FOXK1: variants seen among roughly 807,000 people sequenced by gnomAD.
The protein encoded by FOXK1 is forkhead box protein K1.
A neutral mutation model predicts 51.9 loss-of-function variants in FOXK1; 19 were observed. The ratio of observed to expected loss-of-function variants is 0.37; its 90% CI spans 0.26 to 0.54. The LOEUF (loss-of-function observed/expected upper bound fraction) is 0.54, where lower values mean the gene tolerates loss of function less well. Among genes scored for constraint, FOXK1 ranks in the 20% least tolerant of loss-of-function variants. The probability of loss-of-function intolerance (pLI) is 0.87; values close to 1 mark genes in which losing one functional copy is unlikely to be tolerated. For missense variants in FOXK1, 870 were observed against 1,032.7 expected, an observed-to-expected ratio of 0.84 and a Z score of 2.16; for synonymous variants, 537 against 482.6, an observed-to-expected ratio of 1.11 and a Z score of -1.48.
Position 4,682,630 on chromosome 7 carries a change from C to T in FOXK1, c.322C>T (p.Arg108Trp). The change falls in exon 1 of 9, where the codon CGG (arginine) becomes TGG (tryptophan). Residue 108 changes from arginine to tryptophan, a missense_variant. Around this residue, in one of 3 missense-constraint regions of FOXK1, gnomAD observed 399 missense variants for 475.6 expected, o/e 0.84. Coordinates refer to ENST00000328914, the MANE Select transcript of FOXK1 (RefSeq NM_001037165.2). The surrounding 1 kb of genome is among the most constrained non-coding windows in gnomAD (Gnocchi z 7.6). ...VRQSPGPALA[R>W]LEGREFEFLM... ...GCAGAGCCCGGGGCCGGCGCTGGCG[C>T]GGCTGGAGGGCCGCGAGTTCGAGTT... is the stretch of plus-strand genomic sequence containing the variant. 1 of 1,536,054 alleles carries T rather than the reference C, an allele frequency of 6.5e-7. No individual in the cohort carries two copies. The highest frequency in any genetic ancestry group is 8.7e-7 in the Non-Finnish European group (1 of 1,149,022).
chr7:4,706,312 C>T (rs1054982080), intron 1 of FOXK1, among the ~76,000 whole-genome samples: 3 of 152,100 alleles, frequency 2.0e-5, no homozygotes, highest in African/African-American at 7.2e-5. Context: ...AAATAAAATA[C>T]CCCTTTTCTG....
In FOXK1 at chr7:4,707,766, C is replaced by T. The variant is rs932478839; in HGVS notation, c.560+24898C>T. The stretch of plus-strand genomic sequence containing the variant: ...GTGGCACGATCGTGGCTCTCTGCAA[C>T]CTCCGCCTCCTGGGTTCAAGCAATT... On this transcript the variant is annotated intron_variant, in intron 1 of 8. Transcript: ENST00000328914. This position sits in a 1 kb window ranked among gnomAD's most constrained non-coding sequence, Gnocchi z 4.1. 1.6e-4 allele frequency among the ~76,000 whole-genome samples: 24 copies of T among 151,906 alleles called. No homozygotes were observed. The highest frequency in any genetic ancestry group is 5.6e-4 in the African/African-American group (23 of 41,354).
At chr7:4,727,673 C>T (rs560223322) in intron 1 of FOXK1, among the ~76,000 whole-genome samples, 3 of 152,352 alleles carry the variant, frequency 2.0e-5, no homozygotes, top group South Asian at 4.1e-4. Context: ...GTGCTGAGGG[C>T]GGCCTGCTGT....
Position 4,682,506 on chromosome 7 carries a change from G to A in FOXK1, c.198G>A (p.Ala66=), listed in dbSNP as rs981210413. 6 of 1,050,836 alleles carry A rather than the reference G, an allele frequency of 5.7e-6. No homozygotes were observed. The highest frequency in any genetic ancestry group is 6.9e-6 in the Non-Finnish European group (6 of 874,582). The allele number at this position is 1,050,836 out of a possible 1,614,324, so 65.1% of individuals were successfully genotyped here. The change falls in exon 1 of 9, where the codon GCG becomes GCA. Residue 66 remains alanine, a synonymous_variant. Transcript: ENST00000328914. The surrounding 1 kb of genome is among the most constrained non-coding windows in gnomAD (Gnocchi z 7.6). The part of the protein sequence containing the change: ...PPPPLPPGAI[A]GAGSSGGSSG... The stretch of plus-strand genomic sequence containing the variant: ...CGCCGCTGCCTCCGGGCGCGATCGC[G>A]GGCGCGGGCTCCTCCGGGGGCTCCT...
chr7:4,683,851 T>C lies in FOXK1; in HGVS notation c.560+983T>C, dbSNP rs764610761. ...GTGCGAGGTCCCTAGGAGTGTGGGC[T>C]GTGCTGAAGGAGCAGAGGCCTGGCG... On this transcript the variant is annotated intron_variant, in intron 1 of 8. Coordinates refer to ENST00000328914, the MANE Select transcript of FOXK1 (RefSeq NM_001037165.2). The surrounding 1 kb of genome is among the most constrained non-coding windows in gnomAD (Gnocchi z 4.5). 1.3e-5 allele frequency among the ~76,000 whole-genome samples: 2 copies of C among 152,178 alleles called. No individual in the cohort carries two copies. Among genetic ancestry groups the C allele is most frequent in the Non-Finnish European group, 2.9e-5 (2 of 68,024 alleles).
intron 1 of FOXK1, among the ~76,000 whole-genome samples, chr7:4,718,406 G>C (rs904057100): frequency 1.3e-5 from 2 of 152,214 alleles, no homozygotes; most frequent in African/African-American, 2.4e-5. Context: ...GCTCAGGGCC[G>C]TCTTTCTGAG....
Position 4,762,455 on chromosome 7 carries a change from C to T in FOXK1, c.2193C>T (p.Thr731=), listed in dbSNP as rs1176617190. The change falls in exon 9 of 9, where the codon ACC becomes ACT. Residue 731 remains threonine, a synonymous_variant. Transcript: ENST00000328914. This position sits in a 1 kb window ranked among gnomAD's most constrained non-coding sequence, Gnocchi z 5.7. ...CTGCCGGCCCCCAGGGGCCAGGCACCGGGGAGTGAGGTCACCTGCAACGCG... is the reference window on the plus strand; with the variant it reads ...CTGCCGGCCCCCAGGGGCCAGGCACTGGGGAGTGAGGTCACCTGCAACGCG... ...IAAAGPQGPG[T]GE The T allele has an allele frequency of 9.7e-6, 15 of 1,542,476 alleles. No individual in the cohort carries two copies. Among genetic ancestry groups the T allele is most frequent in the Admixed American group, 2.0e-5 (1 of 50,942 alleles).
At chr7:4,721,152 A>T (rs866953352) in intron 1 of FOXK1, among the ~76,000 whole-genome samples, 10 of 152,086 alleles carry the variant, frequency 6.6e-5, no homozygotes, top group African/African-American at 2.4e-4. Context: ...CCCTCTGTGC[A>T]TCAGGGCCCT....
chr7:4,721,007 T>G (rs1780302285), intron 1 of FOXK1, among the ~76,000 whole-genome samples: 2 of 152,130 alleles, frequency 1.3e-5, no homozygotes, highest in South Asian at 2.1e-4. Flanking sequence ...CCTCCCAAAT[T>G]TAGCTTTTTA....
At position 4,730,396 on chromosome 7, in the gene FOXK1, G is replaced by A. The variant is rs1454899414; in HGVS notation, c.561-10442G>A. Among the ~76,000 whole-genome samples the A allele has an allele frequency of 6.6e-6, 1 of 152,228 alleles. No individual in the cohort carries two copies. Among genetic ancestry groups the A allele is most frequent in the Non-Finnish European group, 1.5e-5 (1 of 68,034 alleles). ...CACCGCTGTCAGCCGTGGGGTTCAG[G>A]AGAACAGGGTTGTGGCATGGACCCA... On this transcript the variant is annotated intron_variant, in intron 1 of 8. Coordinates refer to ENST00000328914, the MANE Select transcript of FOXK1 (RefSeq NM_001037165.2). The surrounding 1 kb of genome is among the most constrained non-coding windows in gnomAD (Gnocchi z 4.7).
chr7:4,711,434 G>C lies in FOXK1; in HGVS notation c.560+28566G>C, dbSNP rs564156206. 8.5e-4 allele frequency among the ~76,000 whole-genome samples: 130 copies of C among 152,266 alleles called. No homozygotes were observed. The highest frequency in any genetic ancestry group is 2.9e-3 in the African/African-American group (121 of 41,544). On this transcript the variant is annotated intron_variant, in intron 1 of 8. Transcript: ENST00000328914. The surrounding 1 kb of genome is among the most constrained non-coding windows in gnomAD (Gnocchi z 6.3). ...CCCTGGAGTGATTCCTGGATGTTGA[G>C]GAGGGAGAGATCTGGAGTTAAGGAA...
In FOXK1 at chr7:4,731,653, G is replaced by A. The variant is rs914418684; in HGVS notation, c.561-9185G>A. On this transcript the variant is annotated intron_variant, in intron 1 of 8. Transcript: ENST00000328914. The surrounding 1 kb of genome is among the most constrained non-coding windows in gnomAD (Gnocchi z 5.3). ...TGGGCACCTGTAATCCCAGCTACTC[G>A]GGAGGCTGAGGCAGGAGAATCGCTT... 6.6e-6 allele frequency among the ~76,000 whole-genome samples: 1 copy of A among 151,826 alleles called. No individual in the cohort carries two copies. Among genetic ancestry groups the A allele is most frequent in the Non-Finnish European group, 1.5e-5 (1 of 67,962 alleles).
At position 4,767,894 on chromosome 7, in the gene FOXK1, C is replaced by T. The variant is rs545984397; in HGVS notation, c.*5430C>T. ...CCCTCGCAGGGTGGCGAGTGGGGTCCGTGCCTCGAGAAGGGGGCCCTTACC... is the reference window on the plus strand; with the variant it reads ...CCCTCGCAGGGTGGCGAGTGGGGTCTGTGCCTCGAGAAGGGGGCCCTTACC... On this transcript the variant is annotated 3_prime_UTR_variant, in exon 9 of 9. Transcript: ENST00000328914. The surrounding 1 kb of genome is among the most constrained non-coding windows in gnomAD (Gnocchi z 6.6). 5 of 151,872 alleles carry T rather than the reference C, an allele frequency of 3.3e-5. No homozygotes were observed. The highest frequency in any genetic ancestry group is 2.1e-4 in the South Asian group (1 of 4,778). The allele number at this position is 151,872 out of a possible 1,614,324, so 9.4% of individuals were successfully genotyped here.
In FOXK1 at chr7:4,749,552, C is replaced by A. The variant is rs892453889; in HGVS notation, c.747-4907C>A. Among the ~76,000 whole-genome samples the A allele has an allele frequency of 4.0e-4, 61 of 152,182 alleles. No homozygotes were observed. Among genetic ancestry groups the A allele is most frequent in the African/African-American group, 1.5e-3 (61 of 41,454 alleles). On this transcript the variant is annotated intron_variant, in intron 2 of 8. Coordinates refer to ENST00000328914, the MANE Select transcript of FOXK1 (RefSeq NM_001037165.2). The surrounding 1 kb of genome is among the most constrained non-coding windows in gnomAD (Gnocchi z 6.0). ...TCTCGCCCCTCCACTGCCCACAAGGCTCCGTCGCAGCTCCTTCCTCCAGCC... is the reference window on the plus strand; with the variant it reads ...TCTCGCCCCTCCACTGCCCACAAGGATCCGTCGCAGCTCCTTCCTCCAGCC...
At position 4,748,444 on chromosome 7, in the gene FOXK1, C is replaced by A. The variant is rs928706999; in HGVS notation, c.747-6015C>A. 1.3e-5 allele frequency among the ~76,000 whole-genome samples: 2 copies of A among 152,138 alleles called. No homozygotes were observed. Among genetic ancestry groups the A allele is most frequent in the African/African-American group, 2.4e-5 (1 of 41,428 alleles). On this transcript the variant is annotated intron_variant, in intron 2 of 8. Coordinates refer to ENST00000328914, the MANE Select transcript of FOXK1 (RefSeq NM_001037165.2). The surrounding 1 kb of genome is among the most constrained non-coding windows in gnomAD (Gnocchi z 4.9). ...ATTGTAGCGCTTAGCCATTTCCTTC[C>A]TTGTACTTTTGGCTTATTTCCGCCA...
At chr7:4,704,567 T>C (rs540475371) in intron 1 of FOXK1, among the ~76,000 whole-genome samples, 2 of 151,394 alleles carry the variant, frequency 1.3e-5, no homozygotes, top group Non-Finnish European at 2.9e-5. Context: ...ACTTTGTGAA[T>C]AAATGTTTTC....
At chr7:4,760,801 A>C (rs1780921424) in intron 7 of FOXK1, among the ~76,000 whole-genome samples, 1 of 152,220 alleles carries the variant, frequency 6.6e-6, no homozygotes, top group Non-Finnish European at 1.5e-5. Context: ...CAGTGAGCCG[A>C]GATGGCACCC....
intron 1 of FOXK1, among the ~76,000 whole-genome samples, chr7:4,689,186 CAGGCCA>C (rs369374725): frequency 9.3e-4 from 142 of 152,202 alleles, no homozygotes; most frequent in African/African-American, 3.3e-3. Context: ...CCGTGTTGCC[CAGGCCA>C]GTCTTGAACT....
rs1471778953 is a variant in FOXK1, at chr7:4,740,921, T to C, written c.644T>C (p.Leu215Pro). 1.3e-6 allele frequency: 2 copies of C among 1,586,816 alleles called. No homozygotes were observed. The highest frequency in any genetic ancestry group is 1.8e-5 in the Admixed American group (1 of 55,738). The change falls in exon 2 of 9, where the codon CTG (leucine) becomes CCG (proline). Residue 215 changes from leucine (L) to proline (P), a missense_variant. Transcript: ENST00000328914. ...YHKEEAPASP[L>P]RPLYPQISPL... ...AAAGAAGAGGCCCCAGCCTCCCCGC[T>C]GCGGCCACTGTACCCCCAGATCTCC...
Sources: allele counts gnomAD v4.1 joint callset (sites outside exome capture counted in the v4.1 genomes callset), GRCh38; gene constraint gnomAD v4.1.1; regional missense constraint gnomAD v4.1.1; non-coding constraint Gnocchi (gnomAD v3.1); transcripts MANE v1.5; gene names NCBI Gene and HGNC (gene_info 2026-07-23, HGNC 2026-07-21).